The following SPINDOC variants were observed in gnomAD, a reference collection of about 807,000 sequenced individuals.
The protein encoded by SPINDOC is spindlin interactor and repressor of chromatin binding.
In SPINDOC, 13 loss-of-function variants were observed where a neutral mutation model predicts 30.7. The ratio of observed to expected loss-of-function variants is 0.42; its 90% confidence interval spans 0.28 to 0.67. The LOEUF (loss-of-function observed/expected upper bound fraction) is 0.67. Ranked by LOEUF, SPINDOC falls within the 30% of genes least tolerant of loss-of-function variation. The pLI, the probability that SPINDOC is intolerant of heterozygous loss-of-function variation, is 0.22. For synonymous variants in SPINDOC, 228 were observed against 211.4 expected (o/e 1.08, Z -0.68); for missense variants, 438 against 518.0 (o/e 0.85, Z 1.50).
At chr11:63,814,044 G>T (rs2015271316) in intron 1 of SPINDOC, among the ~76,000 whole-genome samples, 1 of 152,176 alleles carries the variant, frequency 6.6e-6, no homozygotes, top group Non-Finnish European at 1.5e-5. Flanking sequence ...CCCGCCCAGG[G>T]TCTGGAGACT....
At chr11:63,815,291 G>A (rs1392720383) in intron 1 of SPINDOC, among the ~76,000 whole-genome samples, 1 of 152,236 alleles carries the variant, frequency 6.6e-6, no homozygotes, top group East Asian at 1.9e-4. Flanking sequence ...AATAGCAAGT[G>A]CAAAGGTCCG....
intron 5 of SPINDOC, chr11:63,823,266 C>T: frequency 1.6e-6 from 2 of 1,277,466 alleles, no homozygotes. Context: ...TTCTCAGAAA[C>T]CTGTGAGGCT....
intron 5 of SPINDOC, among the ~76,000 whole-genome samples, chr11:63,820,889 CAAAAAAA>C (rs60839586): frequency 1.3e-5 from 1 of 74,458 alleles, no homozygotes; most frequent in African/African-American, 4.8e-5. Flanking sequence ...AACTCCGTCT[CAAAAAAA>C]AAAAAAAAAA....
At chr11:63,816,745 G>T (rs1203109071) in intron 1 of SPINDOC, among the ~76,000 whole-genome samples, 1 of 152,216 alleles carries the variant, frequency 6.6e-6, no homozygotes, top group Non-Finnish European at 1.5e-5. Flanking sequence ...ACTGGAAAGG[G>T]TGATGCCCTG....
At position 63,818,410 on chromosome 11, in the gene SPINDOC, T is replaced by A; in HGVS notation, c.607+45T>A. ...AGTGAGCCCCGGTGGAGGTGGGGGT[T>A]TGGGGACAGGGTGAAATACAGGCCC... On this transcript the variant is annotated intron_variant, in intron 3 of 5. Transcript: ENST00000294244. The surrounding 1 kb of genome is among the most constrained non-coding windows in gnomAD (Gnocchi z 5.3). 1 of 1,609,426 alleles carries A rather than the reference T, an allele frequency of 6.2e-7. No individual in the cohort carries two copies. The highest frequency in any genetic ancestry group is 8.5e-7 in the Non-Finnish European group (1 of 1,177,910).
At chr11:63,823,351 A>G in intron 5 of SPINDOC, 1 of 1,180,088 alleles carries the variant, frequency 8.5e-7, no homozygotes, top group Non-Finnish European at 1.1e-6. Flanking sequence ...TTAAATAAAG[A>G]TCCTGCCACT....
intron 5 of SPINDOC, chr11:63,823,335 C>A (rs1186936698): frequency 6.8e-6 from 8 of 1,176,854 alleles, no homozygotes; most frequent in Non-Finnish European, 8.6e-6. Context: ...TCTCTGAAGA[C>A]TTTATTTAAA....
At chr11:63,820,797 G>C (rs1363046721) in intron 5 of SPINDOC, among the ~76,000 whole-genome samples, 1 of 150,558 alleles carries the variant, frequency 6.6e-6, no homozygotes, top group Non-Finnish European at 1.5e-5. Context: ...GGCTGAGGCA[G>C]GAGAATGGCG....
At chr11:63,824,531 T>C (rs1163103743) in intron 5 of SPINDOC, among the ~76,000 whole-genome samples, 1 of 152,058 alleles carries the variant, frequency 6.6e-6, no homozygotes, top group African/African-American at 2.4e-5. Context: ...AATGAGTACG[T>C]GCTTAAGTAT....
In SPINDOC at chr11:63,818,224, C is replaced by G; in HGVS notation, c.466C>G (p.Gln156Glu). The change falls in exon 3 of 6, where the codon CAG becomes GAG. Residue 156 changes from glutamine to glutamate, a missense_variant. Around this residue, in one of 3 missense-constraint regions of SPINDOC, gnomAD observed 300 missense variants for 332.8 expected, o/e 0.90. Transcript: ENST00000294244. The surrounding 1 kb of genome is among the most constrained non-coding windows in gnomAD (Gnocchi z 5.3). ...GCTCTTGCTCCCTGCAGACTCGGGC[C>G]AGGATGCCCACCCAGACCCAGACGC... ...QPSPPNSDSG[Q>E]DAHPDPDANP... is the part of the protein sequence containing the mutation. 6.2e-7 allele frequency: 1 copy of G among 1,614,094 alleles called. No individual in the cohort carries two copies. The highest frequency in any genetic ancestry group is 2.2e-5 in the East Asian group (1 of 44,878).
In SPINDOC at chr11:63,818,967, A is replaced by G; in HGVS notation, c.899A>G (p.Glu300Gly). ...KDSPKDREVA[E>G]GGLPRAESPS... ...TCACCCAAAGACAGGGAAGTGGCAG[A>G]AGGAGGCCTTCCCCGGGCGGAGAGC... The change falls in exon 5 of 6, where the codon GAA becomes GGA. Residue 300 changes from glutamate to glycine, a missense_variant. By Grantham distance (98) the Glu-to-Gly change is moderately conservative. Transcript: ENST00000294244. The surrounding 1 kb of genome is among the most constrained non-coding windows in gnomAD (Gnocchi z 5.3). 1 of 1,614,116 alleles carries G rather than the reference A, an allele frequency of 6.2e-7. No homozygotes were observed. Among genetic ancestry groups the G allele is most frequent in the East Asian group, 2.2e-5 (1 of 44,874 alleles).
chr11:63,821,983 A>T (rs111526878), intron 5 of SPINDOC, among the ~76,000 whole-genome samples: 1,526 of 152,228 alleles, frequency 0.01, 19 homozygotes, highest in African/African-American at 0.035. Flanking sequence ...TCCTGGGTGC[A>T]AGCAGTCCTC....
At chr11:63,816,969 A>G (rs559608340) in intron 1 of SPINDOC, among the ~76,000 whole-genome samples, 3 of 151,346 alleles carry the variant, frequency 2.0e-5, no homozygotes, top group South Asian at 4.2e-4. Context: ...GGAGTTCACA[A>G]CCAGCCTGGG....
chr11:63,826,661 A>G (rs2015661556), intron 5 of SPINDOC, among the ~76,000 whole-genome samples: 1 of 152,184 alleles, frequency 6.6e-6, no homozygotes, highest in Admixed American at 6.5e-5. Flanking sequence ...CCCTGTGCCA[A>G]AATACACACA....
intron 1 of SPINDOC, among the ~76,000 whole-genome samples, chr11:63,814,536 C>T (rs1160493945): frequency 6.6e-6 from 1 of 152,180 alleles, no homozygotes; most frequent in Non-Finnish European, 1.5e-5. Context: ...CAGGAGCTTG[C>T]AAACCGTAAG....
chr11:63,813,530 C>A lies in SPINDOC; in HGVS notation c.-157C>A. ...GGCCCGGACGCGCCGGTCGCAGGCC[C>A]GGCCGGCGAGCGGCGGGCGGGCGGC... On this transcript the variant is annotated 5_prime_UTR_variant, in exon 1 of 6. Transcript: ENST00000294244. The A allele has an allele frequency of 1.8e-6, 1 of 549,804 alleles. No individual in the cohort carries two copies. Among genetic ancestry groups the A allele is most frequent in the African/African-American group, 2.1e-5 (1 of 48,046 alleles). The allele number at this position is 549,804 out of a possible 1,614,324, so 34.1% of individuals were successfully genotyped here.
rs1208691408 is a variant in SPINDOC, at chr11:63,818,113, C to G, written c.436C>G (p.Gln146Glu). The G allele has an allele frequency of 1.2e-6, 2 of 1,614,064 alleles. No homozygotes were observed. The highest frequency in any genetic ancestry group is 4.5e-5 in the East Asian group (2 of 44,882). ...CCTCTTGCAAGACGTGAGAGCTGAG[C>G]AGCCGTCCCCACCCAACTCAGGTAG... ...VALLQDVRAE[Q>E]PSPPNSDSGQ... The change falls in exon 2 of 6, where the codon CAG becomes GAG. Residue 146 changes from glutamine (Q) to glutamate (E), a missense_variant. Gln to Glu is a conservative substitution (Grantham distance 29). Around this residue, in one of 3 missense-constraint regions of SPINDOC, gnomAD observed 300 missense variants for 332.8 expected, o/e 0.90. Transcript: ENST00000294244. This position sits in a 1 kb window ranked among gnomAD's most constrained non-coding sequence, Gnocchi z 5.3.
intron 5 of SPINDOC, chr11:63,822,750 C>T (rs2015562124): frequency 7.8e-7 from 1 of 1,288,986 alleles, no homozygotes; most frequent in African/African-American, 1.5e-5. Context: ...TGGCTGACCT[C>T]TTCCACTGTC....
At position 63,813,699 on chromosome 11, in the gene SPINDOC, G is replaced by A. The variant is rs1365406846; in HGVS notation, c.13G>A (p.Ala5Thr). The stretch of plus-strand genomic sequence containing the variant: ...CCACGGCCGCACCATGGCCCTAAAG[G>A]CCGAGGGCGCCGCACTCGACTGCTT... MALK[A>T]EGAALDCFEV... Residue 5 changes from alanine to threonine, a missense_variant, in exon 1 of 6, where the codon GCC becomes ACC. Ala to Thr is a moderately conservative substitution (Grantham distance 58, BLOSUM62 0). This residue lies in a region of SPINDOC where 129 missense variants were observed against 152.7 expected (regional missense o/e 0.84). Transcript: ENST00000294244. 3.2e-6 allele frequency: 5 copies of A among 1,577,546 alleles called. No individual in the cohort carries two copies. Among genetic ancestry groups the A allele is most frequent in the South Asian group, 1.1e-5 (1 of 87,070 alleles).
Sources: gnomAD v4.1 joint callset for allele counts (sites outside exome capture counted in the v4.1 genomes callset) on GRCh38, gnomAD v4.1.1 for gene constraint, gnomAD v4.1.1 regional missense constraint, Gnocchi (gnomAD v3.1) non-coding constraint, MANE v1.5 for transcripts, NCBI Gene and HGNC (gene_info 2026-07-23, HGNC 2026-07-21) for gene names.